Variants in TPGS1 observed in about 807,000 individuals in gnomAD.
TPGS1 encodes the protein tubulin polyglutamylase complex subunit 1, also known as gene trap ROSA b-geo 22.
In TPGS1, 18 loss-of-function variants were observed where a neutral mutation model predicts 11.9. That is an observed-to-expected ratio of 1.51 (90% confidence interval 1.04 to 2.24). TPGS1 has a LOEUF of 2.24. Ranked by LOEUF, TPGS1 falls within the 30% of genes most tolerant of loss-of-function variation. The pLI, the probability that TPGS1 is intolerant of heterozygous loss-of-function variation, is 0.00. For missense variants in TPGS1, 500 were observed against 443.0 expected, an observed-to-expected ratio of 1.13 and a Z score of -1.16; for synonymous variants, 247 against 218.2, an observed-to-expected ratio of 1.13 and a Z score of -1.16.
Position 507,798 on chromosome 19 carries a change from C to T in TPGS1, c.292C>T (p.Leu98=). The T allele has an allele frequency of 1.4e-6, 2 of 1,381,648 alleles. No homozygotes were observed. The highest frequency in any genetic ancestry group is 1.9e-6 in the Non-Finnish European group (2 of 1,071,592). 85.6% of individuals were successfully genotyped at this position (1,381,648 alleles called of 1,614,324 possible). Residue 98 remains leucine, a synonymous_variant, in exon 1 of 2, where the codon CTG becomes TTG. Coordinates refer to ENST00000359315, the MANE Select transcript of TPGS1 (RefSeq NM_033513.3). The part of the protein sequence containing the change: ...PGQLLLQQQR[L]GRALWHLRLA... ...CCAGCTCCTGCTGCAGCAGCAGCGCCTGGGCCGCGCGCTATGGCACCTTCG... is the reference window on the plus strand; with the variant it reads ...CCAGCTCCTGCTGCAGCAGCAGCGCTTGGGCCGCGCGCTATGGCACCTTCG...
In TPGS1 at chr19:518,967, C is replaced by T. The variant is rs374059871; in HGVS notation, c.417C>T (p.Asp139=). 7 of 1,586,592 alleles carry T rather than the reference C, an allele frequency of 4.4e-6. No individual in the cohort carries two copies. In the South Asian group the frequency reaches 6.7e-5, roughly 15 times the overall value. ...GGCGCAGGAAGAGGCCGGGGCTGGA[C>T]GGGCGCACCTACAGCGAGCTGCTCA... ...AGGRRKRPGL[D]GRTYSELLRR... The change falls in exon 2 of 2, where the codon GAC becomes GAT. Residue 139 remains aspartate, a synonymous_variant. Transcript: ENST00000359315.
intron 1 of TPGS1, among the ~76,000 whole-genome samples, chr19:512,359 C>G (rs62130840): frequency 0.21 from 31,705 of 152,018 alleles, 3,942 homozygotes; most frequent in Admixed American, 0.34. Flanking sequence ...GACAGGATCT[C>G]ACTATGTTGC....
chr19:512,345 TAG>T (rs548509410), intron 1 of TPGS1, among the ~76,000 whole-genome samples: 4 of 152,170 alleles, frequency 2.6e-5, no homozygotes, highest in African/African-American at 9.6e-5. Flanking sequence ...TAAATTTTTG[TAG>T]AGACAGGATC....
chr19:513,312 C>T (rs1207660091), intron 1 of TPGS1, among the ~76,000 whole-genome samples: 1 of 152,200 alleles, frequency 6.6e-6, no homozygotes, highest in Admixed American at 6.5e-5. Flanking sequence ...TAAGGGCCAA[C>T]AAATGGGGCC....
At chr19:510,817 C>G (rs971291718) in intron 1 of TPGS1, among the ~76,000 whole-genome samples, 3 of 152,248 alleles carry the variant, frequency 2.0e-5, no homozygotes, top group South Asian at 2.1e-4. Flanking sequence ...GAAGCCCCAG[C>G]TGATCTGGGC....
In TPGS1 at chr19:519,158, A is replaced by G; in HGVS notation, c.608A>G (p.Gln203Arg). ...GTGGCGCGCGCCGGCGCGCTCTTCC[A>G]GCTGCTGGAGGACTCGGCCGCCGCC... ...EFVARAGALFQLLEDSAAAVA... is the reference protein window; with the variant it reads ...EFVARAGALFRLLEDSAAAVA... The change falls in exon 2 of 2, where the codon CAG becomes CGG. Residue 203 changes from glutamine (Q) to arginine (R), a missense_variant. Gln to Arg is a conservative substitution (Grantham distance 43, BLOSUM62 1). Coordinates refer to ENST00000359315, the MANE Select transcript of TPGS1 (RefSeq NM_033513.3). 2.0e-6 allele frequency: 3 copies of G among 1,508,468 alleles called. No individual in the cohort carries two copies. The highest frequency in any genetic ancestry group is 1.4e-5 in the African/African-American group (1 of 69,288). 93.4% of individuals were successfully genotyped at this position (1,508,468 alleles called of 1,614,324 possible).
chr19:514,361 C>A (rs1344131496), intron 1 of TPGS1, among the ~76,000 whole-genome samples: 2 of 151,518 alleles, frequency 1.3e-5, no homozygotes, highest in African/African-American at 2.4e-5. Flanking sequence ...TGCTTACTGG[C>A]CCAGCATTTA....
intron 1 of TPGS1, among the ~76,000 whole-genome samples, chr19:515,012 C>T (rs114292388): frequency 0.031 from 4,693 of 152,320 alleles, 243 homozygotes; most frequent in African/African-American, 0.11. Flanking sequence ...GGCAGCAGGG[C>T]TGACAGCCTT....
rs1259656687 is a variant in TPGS1, at chr19:519,204, C to A, written c.654C>A (p.Gly218=). 6.8e-7 allele frequency: 1 copy of A among 1,465,372 alleles called. No individual in the cohort carries two copies. The allele number at this position is 1,465,372 out of a possible 1,614,324, so 90.8% of individuals were successfully genotyped here. The change falls in exon 2 of 2, where the codon GGC becomes GGA. Residue 218 remains glycine (G), a synonymous_variant. Transcript: ENST00000359315. ...SAAAVADRRV[G]QAVLDTLEGA... is the part of the protein sequence containing the mutation. ...CCGCCGTGGCCGACCGCCGCGTGGG[C>A]CAGGCCGTGCTGGACACCCTGGAGG...
At chr19:512,629 G>T (rs1978831939) in intron 1 of TPGS1, among the ~76,000 whole-genome samples, 1 of 152,278 alleles carries the variant, frequency 6.6e-6, no homozygotes. Context: ...CTCACCCTCG[G>T]CGGGGTGGAG....
At position 507,721 on chromosome 19, in the gene TPGS1, A is replaced by T; in HGVS notation, c.215A>T (p.Glu72Val). ...ATCGCCTTCCTGGCTCACTACTTCG[A>T]GAACATGGGCCTGCGCTCGCCTGTA... ...EPIAFLAHYFENMGLRSPVNG... is the reference protein window; with the variant it reads ...EPIAFLAHYFVNMGLRSPVNG... Residue 72 changes from glutamate to valine, a missense_variant, in exon 1 of 2, where the codon GAG becomes GTG. Transcript: ENST00000359315. 1 of 1,402,384 alleles carries T rather than the reference A, an allele frequency of 7.1e-7. No homozygotes were observed. Among genetic ancestry groups the T allele is most frequent in the Non-Finnish European group, 9.3e-7 (1 of 1,073,370 alleles). 86.9% of individuals were successfully genotyped at this position (1,402,384 alleles called of 1,614,324 possible).
rs1426615945 is a variant in TPGS1 at position 507,500 on chromosome 19, A to T, written c.-7A>T. The T allele has an allele frequency of 7.1e-7, 1 of 1,406,806 alleles. No individual in the cohort carries two copies. The highest frequency in any genetic ancestry group is 1.6e-5 in the South Asian group (1 of 64,212). 87.1% of individuals were successfully genotyped at this position (1,406,806 alleles called of 1,614,324 possible). ...CGGTGCTTCCGGTCCCGCTGCCCTCAGCGAAGATGGCGGCAGTGGAGAAGC... is the reference window on the plus strand; with the variant it reads ...CGGTGCTTCCGGTCCCGCTGCCCTCTGCGAAGATGGCGGCAGTGGAGAAGC... On this transcript the variant is annotated 5_prime_UTR_variant, in exon 1 of 2. Coordinates refer to ENST00000359315, the MANE Select transcript of TPGS1 (RefSeq NM_033513.3).
At chr19:509,953 C>T (rs1190795549) in intron 1 of TPGS1, 1 of 152,326 alleles carries the variant, frequency 6.6e-6, no homozygotes, top group Non-Finnish European at 1.5e-5. Context: ...GTGCACAGAC[C>T]TGCGTGGCAT....
intron 1 of TPGS1, among the ~76,000 whole-genome samples, chr19:512,134 G>T (rs147152113): frequency 6.6e-6 from 1 of 152,100 alleles, no homozygotes; most frequent in African/African-American, 2.4e-5. Context: ...GCCTCCCAAA[G>T]TGCTGGGATT....
chr19:518,589 GGGAT>G (rs1979040163), intron 1 of TPGS1, among the ~76,000 whole-genome samples: 1 of 126,582 alleles, frequency 7.9e-6, no homozygotes, highest in Non-Finnish European at 1.7e-5. Context: ...GCCTGGGCTG[GGGAT>G]GCTGGGGGGA....
At chr19:511,426 G>T (rs530994899) in intron 1 of TPGS1, among the ~76,000 whole-genome samples, 1 of 152,386 alleles carries the variant, frequency 6.6e-6, no homozygotes, top group East Asian at 1.9e-4. Flanking sequence ...GGCAGCTGTG[G>T]CTGAGCTGCA....
intron 1 of TPGS1, among the ~76,000 whole-genome samples, chr19:517,306 C>T (rs966515577): frequency 1.8e-4 from 24 of 135,360 alleles, no homozygotes; most frequent in African/African-American, 6.9e-4. Context: ...TTGCAGAGGC[C>T]CTGAGGCCGG....
intron 1 of TPGS1, among the ~76,000 whole-genome samples, chr19:517,052 G>C (rs72970277): frequency 4.4e-4 from 67 of 152,216 alleles, no homozygotes; most frequent in Non-Finnish European, 8.2e-4. Flanking sequence ...ACTGTGGGCA[G>C]GGCAGTGTTC....
intron 1 of TPGS1, among the ~76,000 whole-genome samples, chr19:516,821 G>C (rs1248972197): frequency 6.6e-6 from 1 of 152,194 alleles, no homozygotes; most frequent in African/African-American, 2.4e-5. Context: ...GGAGAGTATA[G>C]ATAAGGTCCA....
Sources: allele counts gnomAD v4.1 joint callset (sites outside exome capture counted in the v4.1 genomes callset), GRCh38; gene constraint gnomAD v4.1.1; transcripts MANE v1.5; gene names NCBI Gene and HGNC (gene_info 2026-07-23, HGNC 2026-07-21).